TNKS: variants seen among roughly 807,000 people sequenced by gnomAD.
The protein encoded by TNKS is tankyrase.
A neutral mutation model predicts 135.8 loss-of-function variants in TNKS; 72 were observed. That is an observed-to-expected ratio of 0.53 (90% confidence interval 0.44 to 0.64). The LOEUF (loss-of-function observed/expected upper bound fraction) is 0.64. Ranked by LOEUF, TNKS falls within the 30% of genes least tolerant of loss-of-function variation. The pLI is 0.00. For synonymous variants in TNKS, 849 were observed against 649.3 expected (o/e 1.31, Z -4.68); for missense variants, 1,769 against 1,674.0 (o/e 1.06, Z -0.99).
At position 9,773,717 on chromosome 8, in the gene TNKS, T is replaced by C. The variant is rs903575407; in HGVS notation, c.3898-2933T>C. On this transcript the variant is annotated intron_variant, in intron 26 of 26. Coordinates refer to ENST00000310430, the MANE Select transcript of TNKS (RefSeq NM_003747.3). ...TAGAGAGTGATTAGTACAAAACTTATTTGAAAGAAAAAAAAAATGCCTAAA... is the reference window on the plus strand; with the variant it reads ...TAGAGAGTGATTAGTACAAAACTTACTTGAAAGAAAAAAAAAATGCCTAAA... Among the ~76,000 whole-genome samples the C allele has an allele frequency of 5.5e-5, 8 of 145,570 alleles. No individual in the cohort carries two copies. The East Asian group carries it at 6.1e-4, about 11-fold the overall frequency.
chr8:9,698,467 A>G (rs945897221), intron 5 of TNKS, among the ~76,000 whole-genome samples: 3 of 151,558 alleles, frequency 2.0e-5, no homozygotes, highest in African/African-American at 7.3e-5. Flanking sequence ...CAATGTGATA[A>G]ATACCGTATT....
chr8:9,640,075 C>A (rs1450973672), intron 3 of TNKS, among the ~76,000 whole-genome samples: 2 of 152,070 alleles, frequency 1.3e-5, no homozygotes, highest in Non-Finnish European at 2.9e-5. Flanking sequence ...GTCTTTCTGG[C>A]AATTTTGATA....
At chr8:9,635,122 A>G (rs1270065393) in intron 3 of TNKS, among the ~76,000 whole-genome samples, 2 of 151,856 alleles carry the variant, frequency 1.3e-5, no homozygotes, top group Non-Finnish European at 2.9e-5. Context: ...GTGAGCCGAG[A>G]CCGCGCCACT....
chr8:9,559,954 C>G (rs1275086929), intron 1 of TNKS, among the ~76,000 whole-genome samples: 1 of 152,116 alleles, frequency 6.6e-6, no homozygotes, highest in South Asian at 2.1e-4. Flanking sequence ...TCTCAAAATA[C>G]TATTTTTGAT....
At chr8:9,736,458 G>A (rs1041679370) in intron 17 of TNKS, among the ~76,000 whole-genome samples, 6 of 151,908 alleles carry the variant, frequency 3.9e-5, no homozygotes, top group Non-Finnish European at 8.8e-5. Flanking sequence ...CCAGAGTTTT[G>A]GACATGAAGT....
intron 12 of TNKS, among the ~76,000 whole-genome samples, chr8:9,725,066 A>G (rs547160308): frequency 9.8e-5 from 15 of 152,356 alleles, no homozygotes; most frequent in African/African-American, 3.4e-4. Flanking sequence ...CAAATCCAGA[A>G]TCACTGTCAT....
chr8:9,708,205 C>G (rs1804142526), intron 8 of TNKS, among the ~76,000 whole-genome samples, 166 bp from the exon 9 acceptor site: 1 of 152,154 alleles, frequency 6.6e-6, no homozygotes, highest in Non-Finnish European at 1.5e-5. Context: ...TCACATTAAT[C>G]TACATCCTCA....
rs755339621 is a variant in TNKS at position 9,555,930 on chromosome 8, G to A, written c.-10G>A. The A allele has an allele frequency of 1.7e-5, 28 of 1,605,654 alleles. No homozygotes were observed. The highest frequency in any genetic ancestry group is 2.1e-5 in the Non-Finnish European group (25 of 1,176,420). ...CGTTGCCGCAGTGACAGTGCTAGGG[G>A]AGTCCGAAGATGGCGGCGTCGCGTC... On this transcript the variant is annotated 5_prime_UTR_variant, in exon 1 of 27. Coordinates refer to ENST00000310430, the MANE Select transcript of TNKS (RefSeq NM_003747.3).
intron 3 of TNKS, among the ~76,000 whole-genome samples, chr8:9,676,514 T>C (rs538344020): frequency 7.9e-5 from 12 of 152,174 alleles, no homozygotes; most frequent in Non-Finnish European, 1.6e-4. Flanking sequence ...TTCTCCTTAG[T>C]GATTTAAGTT....
chr8:9,731,745 C>T (rs1805453328), intron 14 of TNKS, among the ~76,000 whole-genome samples: 1 of 152,028 alleles, frequency 6.6e-6, no homozygotes, highest in African/African-American at 2.4e-5. Context: ...TAGTCTCATT[C>T]TTTTAATGCT....
At chr8:9,756,752 C>T (rs1336164966) in intron 20 of TNKS, among the ~76,000 whole-genome samples, 1 of 152,008 alleles carries the variant, frequency 6.6e-6, no homozygotes, top group Non-Finnish European at 1.5e-5. Context: ...TTATTTTAAC[C>T]ATTTCTATTT....
chr8:9,571,760 G>A (rs982724168), intron 1 of TNKS, among the ~76,000 whole-genome samples: 4 of 152,102 alleles, frequency 2.6e-5, no homozygotes, highest in Non-Finnish European at 5.9e-5. Flanking sequence ...CACCGCGCCC[G>A]GGGATTCCAT....
At chr8:9,632,109 A>C (rs1233864605) in intron 3 of TNKS, among the ~76,000 whole-genome samples, 1 of 152,212 alleles carries the variant, frequency 6.6e-6, no homozygotes, top group Admixed American at 6.5e-5. Context: ...AAGTAGAAAG[A>C]TGCCAGACTT....
At chr8:9,766,127 T>C in intron 24 of TNKS, 112 bp from the exon 25 acceptor site, 2 of 901,222 alleles carry the variant, frequency 2.2e-6, no homozygotes, top group Admixed American at 2.7e-5. Context: ...ATACTTTTCA[T>C]TTATACACCA....
At chr8:9,624,850 G>A (rs150260674) in intron 3 of TNKS, among the ~76,000 whole-genome samples, 6 of 152,142 alleles carry the variant, frequency 3.9e-5, no homozygotes, top group South Asian at 2.1e-4. Flanking sequence ...ATATCCTCCC[G>A]TATACTTTAA....
intron 1 of TNKS, among the ~76,000 whole-genome samples, chr8:9,569,522 C>T (rs1276911646): frequency 6.6e-6 from 1 of 152,128 alleles, no homozygotes; most frequent in Non-Finnish European, 1.5e-5. Flanking sequence ...GTAGTTTGTT[C>T]ATTTTCATTG....
intron 20 of TNKS, among the ~76,000 whole-genome samples, chr8:9,754,088 A>G (rs934533735): frequency 1.3e-5 from 2 of 152,204 alleles, no homozygotes; most frequent in Non-Finnish European, 2.9e-5. Context: ...TGAGGCCACC[A>G]GTATAATCCT....
At chr8:9,623,607 C>T (rs555921662) in intron 3 of TNKS, among the ~76,000 whole-genome samples, 1 of 152,272 alleles carries the variant, frequency 6.6e-6, no homozygotes, top group Admixed American at 6.5e-5. Context: ...AATAGACTTG[C>T]TGGATGCAAG....
At chr8:9,726,916 G>A (rs1187368282) in intron 13 of TNKS, among the ~76,000 whole-genome samples, 196 bp downstream of exon 13, 6 of 152,002 alleles carry the variant, frequency 3.9e-5, no homozygotes, top group South Asian at 2.1e-4. Context: ...GTATATATAT[G>A]TGTGTGTATG....
Sources: gnomAD v4.1 joint callset for allele counts (sites outside exome capture counted in the v4.1 genomes callset) on GRCh38, gnomAD v4.1.1 for gene constraint, MANE v1.5 for transcripts, NCBI Gene and HGNC (gene_info 2026-07-23, HGNC 2026-07-21) for gene names.